MTMR4: variants seen among roughly 807,000 people sequenced by gnomAD.
The protein encoded by MTMR4 is myotubularin related protein 4.
A neutral mutation model predicts 125.5 loss-of-function variants in MTMR4; 30 were observed. The observed-to-expected ratio is 0.24, with a 90% CI of 0.18 to 0.32. The LOEUF (loss-of-function observed/expected upper bound fraction) is 0.32. Ranked by LOEUF, MTMR4 falls within the 10% of genes least tolerant of loss-of-function variation. The probability of loss-of-function intolerance (pLI) is 1.00; values close to 1 mark genes in which losing one functional copy is unlikely to be tolerated. For missense variants in MTMR4, 1,039 were observed against 1,511.5 expected, an observed-to-expected ratio of 0.69 and a Z score of 5.18; for synonymous variants, 498 against 564.5, an observed-to-expected ratio of 0.88 and a Z score of 1.67.
At position 58,506,759 on chromosome 17, in the gene MTMR4, T is replaced by C. The variant is rs1261407973; in HGVS notation, c.1017A>G (p.Gly339=). The C allele has an allele frequency of 6.2e-7, 1 of 1,613,840 alleles. No homozygotes were observed. The highest frequency in any genetic ancestry group is 2.2e-5 in the East Asian group (1 of 44,870). The change falls in exon 9 of 18, where the codon GGA becomes GGG. Residue 339 remains glycine (G), a synonymous_variant. Transcript: ENST00000682306. ...CAGCAATACCTTCACATTCACAGCC[T>C]CCACCCTTGGCCCGGTTGGCCACTG... ...TAAVANRAKG[G]GCECEEYYPN...
intron 1 of MTMR4, among the ~76,000 whole-genome samples, chr17:58,513,702 A>T (rs1976000073): frequency 6.6e-6 from 1 of 151,740 alleles, no homozygotes; most frequent in Admixed American, 6.6e-5. Flanking sequence ...CAGGGGAGAG[A>T]GAGAGAGGAG....
chr17:58,508,426 G>A lies in MTMR4; in HGVS notation c.593+42C>T. The A allele has an allele frequency of 6.3e-7, 1 of 1,589,144 alleles. No individual in the cohort carries two copies. Among genetic ancestry groups the A allele is most frequent in the African/African-American group, 1.3e-5 (1 of 74,520 alleles). ...CACCACACTTTATCCAAACACGGAA[G>A]TAGTTTGGTGTGGAAGGTGTTTTGG... is the stretch of plus-strand genomic sequence containing the variant. On this transcript the variant is annotated intron_variant, in intron 6 of 17. Coordinates refer to ENST00000682306, the MANE Select transcript of MTMR4 (RefSeq NM_001378067.1). This position sits in a 1 kb window ranked among gnomAD's most constrained non-coding sequence, Gnocchi z 4.8.
intron 14 of MTMR4, among the ~76,000 whole-genome samples, chr17:58,500,324 A>G (rs983125099): frequency 2.0e-5 from 3 of 152,050 alleles, no homozygotes; most frequent in Non-Finnish European, 4.4e-5. Context: ...GTGGGGTTCT[A>G]CCATGTTGCC....
intron 14 of MTMR4, among the ~76,000 whole-genome samples, chr17:58,500,803 T>C (rs1378009151): frequency 6.6e-6 from 1 of 151,210 alleles, no homozygotes; most frequent in Non-Finnish European, 1.5e-5. Flanking sequence ...CTGTGTCTTA[T>C]CTTACAGCTT....
At chr17:58,510,060 C>A (rs1202995473) in intron 4 of MTMR4, among the ~76,000 whole-genome samples, 1 of 152,174 alleles carries the variant, frequency 6.6e-6, no homozygotes, top group Non-Finnish European at 1.5e-5. Flanking sequence ...CAATAGCTTC[C>A]TAACTAGTCT....
upstream of MTMR4, chr17:58,516,623 A>T: frequency 6.2e-7 from 1 of 1,613,776 alleles, no homozygotes; most frequent in Non-Finnish European, 8.5e-7. Flanking sequence ...TTCTCACTGT[A>T]AGGAGACAGA....
chr17:58,518,868 A>T (rs560118266), upstream of MTMR4, among the ~76,000 whole-genome samples: 1 of 152,280 alleles, frequency 6.6e-6, no homozygotes, highest in East Asian at 1.9e-4. Context: ...TGAGCGCTTT[A>T]ATTAGCCCGG....
chr17:58,503,973 A>G, intron 13 of MTMR4, 75 bp from the exon 14 acceptor site: 1 of 1,553,172 alleles, frequency 6.4e-7, no homozygotes, highest in Non-Finnish European at 8.7e-7. Flanking sequence ...CCTTGACTCT[A>G]CATTTTCCCT....
intron 4 of MTMR4, 37 bp downstream of exon 4, chr17:58,511,392 G>A (rs1382541266): frequency 1.3e-6 from 2 of 1,560,610 alleles, no homozygotes; most frequent in Admixed American, 1.7e-5. Flanking sequence ...GACAAGACTA[G>A]GGCCAGGGGA....
chr17:58,515,493 G>A (rs1976063003), upstream of MTMR4, among the ~76,000 whole-genome samples: 1 of 152,186 alleles, frequency 6.6e-6, no homozygotes, highest in African/African-American at 2.4e-5. Flanking sequence ...CATCTACAAT[G>A]AGCCAGGCAG....
At position 58,508,987 on chromosome 17, in the gene MTMR4, G is replaced by T; in HGVS notation, c.336-146C>A. ...AAAGCAGTGGGGACCCAGGGTGGGGGGACGAGGGACACTGGCCAACACCCA... is the reference window on the plus strand; with the variant it reads ...AAAGCAGTGGGGACCCAGGGTGGGGTGACGAGGGACACTGGCCAACACCCA... On this transcript the variant is annotated intron_variant, in intron 4 of 17. Transcript: ENST00000682306. The surrounding 1 kb of genome is among the most constrained non-coding windows in gnomAD (Gnocchi z 4.8). 1 of 777,080 alleles carries T rather than the reference G, an allele frequency of 1.3e-6. No individual in the cohort carries two copies. Among genetic ancestry groups the T allele is most frequent in the Non-Finnish European group, 2.0e-6 (1 of 493,676 alleles). 48.1% of individuals were successfully genotyped at this position (777,080 alleles called of 1,614,324 possible).
chr17:58,495,507 G>A lies in MTMR4; in HGVS notation c.2677C>T (p.Arg893Cys), dbSNP rs1377022414. Residue 893 changes from arginine (R) to cysteine (C), a missense_variant, in exon 15 of 18, where the codon CGC becomes TGC. Around this residue, in one of 6 missense-constraint regions of MTMR4, gnomAD observed 619 missense variants for 714.5 expected, o/e 0.87. Coordinates refer to ENST00000682306, the MANE Select transcript of MTMR4 (RefSeq NM_001378067.1). ...NRNGQLLENP[R>C]FGKMPLELVR... ...AATTCCAATGGCATTTTCCCAAAGC[G>A]AGGATTTTCCAATAACTGCCCATTC... is the stretch of plus-strand genomic sequence containing the variant. The A allele has an allele frequency of 4.3e-6, 7 of 1,614,220 alleles. No individual in the cohort carries two copies. The highest frequency in any genetic ancestry group is 1.7e-5 in the Admixed American group (1 of 60,022).
Position 58,491,854 on chromosome 17 carries a change from A to G in MTMR4, c.3453-14T>C. 3 of 1,608,424 alleles carry G rather than the reference A, an allele frequency of 1.9e-6. No homozygotes were observed. Among genetic ancestry groups the G allele is most frequent in the Non-Finnish European group, 2.6e-6 (3 of 1,175,244 alleles). On this transcript the variant is annotated splice_polypyrimidine_tract_variant and intron_variant, in intron 17 of 17. Coordinates refer to ENST00000682306, the MANE Select transcript of MTMR4 (RefSeq NM_001378067.1). ...TTCCCACAATTTCTGTCAAAGCAGA[A>G]AGAGGGAAGAGTTCATCAGAAATGC...
At chr17:58,507,832 T>C (rs915124840) in intron 7 of MTMR4, among the ~76,000 whole-genome samples, 23 of 152,238 alleles carry the variant, frequency 1.5e-4, no homozygotes, top group African/African-American at 5.5e-4. Flanking sequence ...AGCCGTTTTA[T>C]ATAATAGGCT....
At position 58,506,980 on chromosome 17, in the gene MTMR4, T is replaced by C. The variant is rs1975793323; in HGVS notation, c.905-109A>G. On this transcript the variant is annotated intron_variant, in intron 8 of 17. Transcript: ENST00000682306. ...AGAACATGCAACTAGAGACCCCTCA[T>C]ACCCCACAGCTTCTGACAAGGCAGG... 3.9e-6 allele frequency: 6 copies of C among 1,549,804 alleles called. No homozygotes were observed. The East Asian group carries it at 1.4e-4, about 35-fold the overall frequency.
At chr17:58,496,438 A>T (rs1239647263) in intron 14 of MTMR4, 108 bp from the exon 15 acceptor site, 4 of 805,062 alleles carry the variant, frequency 5.0e-6, no homozygotes, top group Non-Finnish European at 5.7e-6. Context: ...AGAAATAATG[A>T]CACTTAAGAA....
chr17:58,497,558 A>G lies in MTMR4; in HGVS notation c.1854-1228T>C, dbSNP rs142316609. On this transcript the variant is annotated intron_variant, in intron 14 of 17. Coordinates refer to ENST00000682306, the MANE Select transcript of MTMR4 (RefSeq NM_001378067.1). ...GAATCCACATCAAAGCACATTGCTC[A>G]GTGCTTCCTATAACACATTATTGCA... Among the ~76,000 whole-genome samples the G allele has an allele frequency of 5.8e-3, 886 of 152,358 alleles. 6 individuals are homozygous for G. Among genetic ancestry groups the G allele is most frequent in the African/African-American group, 9.4e-3 (390 of 41,586 alleles).
In MTMR4 at chr17:58,512,586, C is replaced by A. The variant is rs1370235610; in HGVS notation, c.136-80G>T. On this transcript the variant is annotated intron_variant, in intron 2 of 17. Transcript: ENST00000682306. This position sits in a 1 kb window ranked among gnomAD's most constrained non-coding sequence, Gnocchi z 4.1. The stretch of plus-strand genomic sequence containing the variant: ...TTCTACAGCCCCTGATCTGTGGGAT[C>A]CCCTCTGGAAAAGGTGGGCCAAGGC... 17 of 1,226,098 alleles carry A rather than the reference C, an allele frequency of 1.4e-5. No individual in the cohort carries two copies. The highest frequency in any genetic ancestry group is 6.0e-5 in the African/African-American group (4 of 66,962). 76.0% of individuals were successfully genotyped at this position (1,226,098 alleles called of 1,614,324 possible).
chr17:58,513,534 C>T (rs1459485368), intron 1 of MTMR4, among the ~76,000 whole-genome samples: 1 of 152,142 alleles, frequency 6.6e-6, no homozygotes, highest in Non-Finnish European at 1.5e-5. Flanking sequence ...TGCTGACAAG[C>T]CCCCATTACC....
Sources: gnomAD v4.1 joint callset for allele counts (sites outside exome capture counted in the v4.1 genomes callset) on GRCh38, gnomAD v4.1.1 for gene constraint, gnomAD v4.1.1 regional missense constraint, Gnocchi (gnomAD v3.1) non-coding constraint, MANE v1.5 for transcripts, NCBI Gene and HGNC (gene_info 2026-07-23, HGNC 2026-07-21) for gene names.